MEIKIN: variants seen among roughly 807,000 people sequenced by gnomAD.
MEIKIN encodes the protein meiotic kinetochore factor, also known as meiosis-specific kinetochore protein.
At chr5:131,922,748 T>C (rs1369410266) in intron 5 of MEIKIN, among the ~76,000 whole-genome samples, 1 of 152,222 alleles carries the variant, frequency 6.6e-6, no homozygotes, top group Admixed American at 6.5e-5. Context: ...TGTTATATCA[T>C]ATATTAAGTT....
chr5:131,877,162 A>T (rs61685239), intron 9 of MEIKIN, among the ~76,000 whole-genome samples: 4,193 of 152,186 alleles, frequency 0.028, 196 homozygotes, highest in African/African-American at 0.094. Context: ...TAAAATTTTT[A>T]AAAAAAGCAA....
At chr5:131,920,782 C>T (rs1751491528) in intron 6 of MEIKIN, among the ~76,000 whole-genome samples, 1 of 151,904 alleles carries the variant, frequency 6.6e-6, no homozygotes, top group African/African-American at 2.4e-5. Flanking sequence ...TAGCCTTGAC[C>T]TCCTGGGCTC....
chr5:131,875,318 A>G (rs6874543), intron 9 of MEIKIN, among the ~76,000 whole-genome samples: 119,226 of 152,102 alleles, frequency 0.78, 46,989 homozygotes, highest in Middle Eastern at 0.83. Flanking sequence ...AAATCAATGT[A>G]CAAAAATCAC....
At chr5:131,834,979 A>G (rs982973582) in intron 11 of MEIKIN, among the ~76,000 whole-genome samples, 1 of 152,142 alleles carries the variant, frequency 6.6e-6, no homozygotes, top group Non-Finnish European at 1.5e-5. Context: ...TGCTTTTAAA[A>G]TAAGCAATTC....
intron 5 of MEIKIN, among the ~76,000 whole-genome samples, chr5:131,926,993 G>A (rs976185451): frequency 2.6e-5 from 4 of 151,514 alleles, no homozygotes; most frequent in African/African-American, 7.3e-5. Flanking sequence ...TCAATTTTCT[G>A]TTCCATTTAT....
intron 8 of MEIKIN, among the ~76,000 whole-genome samples, chr5:131,881,090 C>T (rs191077068): frequency 1.3e-5 from 2 of 152,164 alleles, no homozygotes; most frequent in East Asian, 3.9e-4. Context: ...GGAGATAAAA[C>T]TAATACCAAG....
intron 5 of MEIKIN, among the ~76,000 whole-genome samples, chr5:131,924,390 A>G (rs971016344): frequency 6.6e-6 from 1 of 152,134 alleles, no homozygotes; most frequent in Non-Finnish European, 1.5e-5. Context: ...TTTTAGAGAC[A>G]CCTCCATACT....
chr5:131,815,590 T>A (rs1202074014), intron 12 of MEIKIN, among the ~76,000 whole-genome samples: 1 of 152,076 alleles, frequency 6.6e-6, no homozygotes, highest in Non-Finnish European at 1.5e-5. Context: ...CACTTTGGAG[T>A]CAATAGGCTA....
chr5:131,931,085 T>A (rs569309743), intron 5 of MEIKIN, among the ~76,000 whole-genome samples: 1 of 152,192 alleles, frequency 6.6e-6, no homozygotes, highest in South Asian at 2.1e-4. Context: ...AACAGCCACT[T>A]CTCCCAGTCT....
intron 8 of MEIKIN, among the ~76,000 whole-genome samples, chr5:131,880,491 C>A (rs1750686980): frequency 6.6e-6 from 1 of 152,044 alleles, no homozygotes; most frequent in South Asian, 2.1e-4. Context: ...ATCCGCCTGC[C>A]TCGGCCTCCC....
intron 4 of MEIKIN, among the ~76,000 whole-genome samples, chr5:131,939,555 T>C (rs1490386113): frequency 6.6e-6 from 1 of 152,212 alleles, no homozygotes; most frequent in Non-Finnish European, 1.5e-5. Context: ...TAAATGTGTA[T>C]TCAATCTTCC....
intron 8 of MEIKIN, among the ~76,000 whole-genome samples, chr5:131,900,682 T>C (rs1006645642): frequency 2.0e-5 from 3 of 152,160 alleles, no homozygotes; most frequent in African/African-American, 7.2e-5. Context: ...ATAGGGCTGG[T>C]CTACCTGGTC....
rs397999274 is a variant in MEIKIN at position 131,941,142 on chromosome 5, C to CTTTTTTT, written c.349+1486_349+1492dup. ...TTGACAATTCCTTCAAGATCTCTTC[C>CTTTTTTT]TTTTTTTTTTTTTTTTTTTTTTTTT... On this transcript the variant is annotated intron_variant, in intron 4 of 12. Transcript: ENST00000442687. 3.6e-3 allele frequency among the ~76,000 whole-genome samples: 214 copies of CTTTTTTT among 59,726 alleles called. 21 individuals carry two copies. The highest frequency in any genetic ancestry group is 7.1e-3 in the African/African-American group (93 of 13,118). The allele number at this position is 59,726 out of a possible 152,430, so 39.2% of individuals were successfully genotyped here. A position where few individuals can be genotyped will look rare whatever the true frequency, so the allele number is the denominator to read the frequency against.
intron 11 of MEIKIN, among the ~76,000 whole-genome samples, chr5:131,845,990 C>T (rs1750012116): frequency 6.6e-6 from 1 of 152,138 alleles, no homozygotes; most frequent in Non-Finnish European, 1.5e-5. Flanking sequence ...TATAATCAAA[C>T]TTTAGAAAGA....
chr5:131,863,982 A>C (rs1750334986), intron 9 of MEIKIN, among the ~76,000 whole-genome samples: 1 of 151,910 alleles, frequency 6.6e-6, no homozygotes, highest in African/African-American at 2.4e-5. Context: ...TCTTCTTCCC[A>C]ATCTCGGGTA....
chr5:131,832,748 T>C (rs921635401), intron 11 of MEIKIN, among the ~76,000 whole-genome samples: 3 of 152,224 alleles, frequency 2.0e-5, no homozygotes, highest in Admixed American at 6.5e-5. Context: ...CTCAATACCA[T>C]GTGGAAGCTG....
At chr5:131,943,484 C>A (rs1751908200) in intron 3 of MEIKIN, among the ~76,000 whole-genome samples, 1 of 152,154 alleles carries the variant, frequency 6.6e-6, no homozygotes, top group Non-Finnish European at 1.5e-5. Flanking sequence ...GAAACAATCT[C>A]AATTTCCCAA....
chr5:131,932,112 T>G (rs891898597), intron 5 of MEIKIN, among the ~76,000 whole-genome samples: 2 of 152,096 alleles, frequency 1.3e-5, no homozygotes, highest in African/African-American at 4.8e-5. Context: ...GGTTCAAGTC[T>G]GGGAAGCTGA....
chr5:131,889,821 C>G (rs1282486498), intron 8 of MEIKIN, among the ~76,000 whole-genome samples: 1 of 152,272 alleles, frequency 6.6e-6, no homozygotes, highest in East Asian at 1.9e-4. Flanking sequence ...CAGTTTTTGG[C>G]CATTCAGTAT....
Sources: allele counts gnomAD v4.1 joint callset (sites outside exome capture counted in the v4.1 genomes callset), GRCh38; gene constraint gnomAD v4.1.1; transcripts MANE v1.5; gene names NCBI Gene and HGNC (gene_info 2026-07-23, HGNC 2026-07-21).